Variants in SHANK1 observed in about 807,000 individuals in gnomAD.
SHANK1 encodes the protein SH3 and multiple ankyrin repeat domains protein 1.
SHANK1 carries 35 observed loss-of-function variants against 165.6 expected under a neutral mutation model. The ratio of observed to expected loss-of-function variants is 0.21; its 90% confidence interval spans 0.16 to 0.28. SHANK1 has a LOEUF of 0.28. Among genes scored for constraint, SHANK1 ranks in the 10% least tolerant of loss-of-function variants. The pLI, the probability that SHANK1 is intolerant of heterozygous loss-of-function variation, is 1.00. For synonymous variants in SHANK1, 1,428 were observed against 1,384.8 expected (o/e 1.03, Z -0.69); for missense variants, 2,681 against 3,036.4 (o/e 0.88, Z 2.75).
chr19:50,665,737 T>TAAAAAAAAAAAAAAAA lies in SHANK1; in HGVS notation c.5768+454_5768+455insTTTTTTTTTTTTTTTT, dbSNP rs71182756. On this transcript the variant is annotated intron_variant, in intron 23 of 23. Coordinates refer to ENST00000293441, the MANE Select transcript of SHANK1 (RefSeq NM_016148.5). ...GGGTGACAGAGTGAGACCCTGTTTCTAAAAAAAAAAAAAAAGCCAGGCATG... is the reference window on the plus strand; with the variant it reads ...GGGTGACAGAGTGAGACCCTGTTTCTAAAAAAAAAAAAAAAAAAAAAAAAAAAAAAAGCCAGGCATG... 2.3e-3 allele frequency among the ~76,000 whole-genome samples: 229 copies of TAAAAAAAAAAAAAAAA among 98,096 alleles called. 9 individuals carry two copies. Among genetic ancestry groups the TAAAAAAAAAAAAAAAA allele is most frequent in the Non-Finnish European group, 3.1e-3 (163 of 51,796 alleles). 64.4% of individuals were successfully genotyped at this position (98,096 alleles called of 152,430 possible). A position where few individuals can be genotyped will look rare whatever the true frequency, so the allele number is the denominator to read the frequency against.
chr19:50,719,150 G>GA (rs1201782947), intron 1 of SHANK1, among the ~76,000 whole-genome samples: 2 of 144,982 alleles, frequency 1.4e-5, no homozygotes, highest in Non-Finnish European at 3.0e-5. Context: ...GCGGGTTCGG[G>GA]ATAGGGGCTC....
chr19:50,716,496 A>G lies in SHANK1; in HGVS notation c.256-18T>C, dbSNP rs201890717. The G allele has an allele frequency of 1.1e-5, 17 of 1,612,970 alleles. No homozygotes were observed. The East Asian group carries it at 3.8e-4, about 36-fold the overall frequency. On this transcript the variant is annotated intron_variant, in intron 2 of 23. Transcript: ENST00000293441. The surrounding 1 kb of genome is among the most constrained non-coding windows in gnomAD (Gnocchi z 8.4). ...AGGCATTTCTGGTTGGGGAAGAGAT[A>G]GGGGCTAGGGTGGGCCAGGGGCCAG...
rs770801102 is a variant in SHANK1, at chr19:50,666,446, C to A, written c.5514G>T (p.Leu1838=). Residue 1838 remains leucine (L), a synonymous_variant, in exon 23 of 24, where the codon CTG becomes CTT. Coordinates refer to ENST00000293441, the MANE Select transcript of SHANK1 (RefSeq NM_016148.5). Reference sequence around the variant, plus strand: ...GTGGGCCCGGGCCCTCCTCCCAGGGCAGCAGCTTCCGGGGCAGAGAGGAGG... The same window carrying A: ...GTGGGCCCGGGCCCTCCTCCCAGGGAAGCAGCTTCCGGGGCAGAGAGGAGG... ...PTASSLPRKL[L]PWEEGPGPPP... The A allele has an allele frequency of 1.2e-6, 2 of 1,608,968 alleles. No individual in the cohort carries two copies. Among genetic ancestry groups the A allele is most frequent in the East Asian group, 4.5e-5 (2 of 44,790 alleles).
chr19:50,711,219 G>GGAT (rs1213098363), intron 8 of SHANK1, 152 bp downstream of exon 8: 157 of 496,602 alleles, frequency 3.2e-4, no homozygotes, highest in Middle Eastern at 5.1e-4. Context: ...GATGGATGGA[G>GGAT]GAATGAATGG....
In SHANK1 at chr19:50,713,660, T is replaced by G. The variant is rs2089035264; in HGVS notation, c.792+138A>C. The stretch of plus-strand genomic sequence containing the variant: ...GGTGACAATAGGGGCTGTGTCTCAG[T>G]CTATGGAAAGGGGCTTTGAACTGGG... On this transcript the variant is annotated intron_variant, in intron 6 of 23. Transcript: ENST00000293441. The surrounding 1 kb of genome is among the most constrained non-coding windows in gnomAD (Gnocchi z 6.2). 8.7e-7 allele frequency: 1 copy of G among 1,151,638 alleles called. No individual in the cohort carries two copies. The highest frequency in any genetic ancestry group is 2.1e-5 in the Admixed American group (1 of 48,226). 71.3% of individuals were successfully genotyped at this position (1,151,638 alleles called of 1,614,324 possible). A position where few individuals can be genotyped will look rare whatever the true frequency, so the allele number is the denominator to read the frequency against.
intron 23 of SHANK1, among the ~76,000 whole-genome samples, 168 bp downstream of exon 23, chr19:50,666,024 G>C (rs960845592): frequency 8.0e-6 from 1 of 124,480 alleles, no homozygotes; most frequent in Non-Finnish European, 1.7e-5. Context: ...GAAAAGAAAA[G>C]AAAAAAAAAA....
chr19:50,702,404 C>T lies in SHANK1; in HGVS notation c.1747+63G>A, dbSNP rs772739808. 2.1e-6 allele frequency: 3 copies of T among 1,456,334 alleles called. No homozygotes were observed. Among genetic ancestry groups the T allele is most frequent in the Non-Finnish European group, 2.8e-6 (3 of 1,074,872 alleles). The allele number at this position is 1,456,334 out of a possible 1,614,324, so 90.2% of individuals were successfully genotyped here. A position where few individuals can be genotyped will look rare whatever the true frequency, so the allele number is the denominator to read the frequency against. On this transcript the variant is annotated intron_variant, in intron 12 of 23. Coordinates refer to ENST00000293441, the MANE Select transcript of SHANK1 (RefSeq NM_016148.5). This position sits in a 1 kb window ranked among gnomAD's most constrained non-coding sequence, Gnocchi z 5.3. ...CCCGAGAATGGTCTGCTCTCTGCTC[C>T]ACATTTTCCCTGATCGCCCCCACAG... is the stretch of plus-strand genomic sequence containing the variant.
At chr19:50,665,334 TG>T (rs144646589) in intron 23 of SHANK1, among the ~76,000 whole-genome samples, 1 of 151,394 alleles carries the variant, frequency 6.6e-6, no homozygotes. Flanking sequence ...GAGACCGAGG[TG>T]GGATGAATCA....
intron 8 of SHANK1, among the ~76,000 whole-genome samples, chr19:50,706,753 T>A (rs554241348): frequency 8.5e-5 from 13 of 152,062 alleles, no homozygotes; most frequent in African/African-American, 2.9e-4. Context: ...GTCCTCTTCC[T>A]TGCTTTATTT....
chr19:50,716,804 C>T lies in SHANK1; in HGVS notation c.116G>A (p.Gly39Glu), dbSNP rs761557772. ...TGCCCCACTGCCCTGGCCCCGGGTC[C>T]CCCGGGGGCCTCGACCTGGCCCGTC... is the stretch of plus-strand genomic sequence containing the variant. The part of the protein sequence containing the change: ...SPDGPGRGPR[G>E]TRGQGSGAPG... The change falls in exon 2 of 24, where the codon GGG becomes GAG. Residue 39 changes from glycine (G) to glutamate (E), a missense_variant. Gly to Glu is a moderately conservative substitution (Grantham distance 98). Transcript: ENST00000293441. The surrounding 1 kb of genome is among the most constrained non-coding windows in gnomAD (Gnocchi z 8.4). 8 of 1,590,612 alleles carry T rather than the reference C, an allele frequency of 5.0e-6. No individual in the cohort carries two copies. Among genetic ancestry groups the T allele is most frequent in the South Asian group, 4.5e-5 (4 of 88,568 alleles).
intron 18 of SHANK1, 28 bp downstream of exon 18, chr19:50,687,895 G>A (rs890142287): frequency 6.2e-7 from 1 of 1,613,090 alleles, no homozygotes; most frequent in African/African-American, 1.3e-5. Context: ...TGGCAGTGGG[G>A]TGGCTGCGAG....
At position 50,690,175 on chromosome 19, in the gene SHANK1, A is replaced by G. The variant is rs559793451; in HGVS notation, c.1965-896T>C. Among the ~76,000 whole-genome samples, 1 of 152,254 alleles carries G rather than the reference A, an allele frequency of 6.6e-6. No individual in the cohort carries two copies. Among genetic ancestry groups the G allele is most frequent in the African/African-American group, 2.4e-5 (1 of 41,534 alleles). Reference sequence around the variant, plus strand: ...AATGGAGCTACTGCATGCAGTCAGCATATTCTATTATAGTAAAATGCAAAG... The same window carrying G: ...AATGGAGCTACTGCATGCAGTCAGCGTATTCTATTATAGTAAAATGCAAAG... On this transcript the variant is annotated intron_variant, in intron 15 of 23. Transcript: ENST00000293441. The surrounding 1 kb of genome is among the most constrained non-coding windows in gnomAD (Gnocchi z 4.9).
Position 50,686,639 on chromosome 19 carries a change from G to C in SHANK1, c.2458+105C>G. On this transcript the variant is annotated intron_variant, in intron 20 of 23. Coordinates refer to ENST00000293441, the MANE Select transcript of SHANK1 (RefSeq NM_016148.5). This position sits in a 1 kb window ranked among gnomAD's most constrained non-coding sequence, Gnocchi z 5.7. ...GGGAGGTGGGATCGCAGCCTCTCTG[G>C]GGCAGGAAGGTGAGGGGCGCCGTGG... is the stretch of plus-strand genomic sequence containing the variant. The C allele has an allele frequency of 9.1e-7, 1 of 1,100,046 alleles. No homozygotes were observed. Among genetic ancestry groups the C allele is most frequent in the Non-Finnish European group, 1.3e-6 (1 of 747,960 alleles). 68.1% of individuals were successfully genotyped at this position (1,100,046 alleles called of 1,614,324 possible). A position where few individuals can be genotyped will look rare whatever the true frequency, so the allele number is the denominator to read the frequency against.
intron 12 of SHANK1, among the ~76,000 whole-genome samples, chr19:50,700,625 A>T (rs969896248): frequency 2.0e-5 from 3 of 151,970 alleles, no homozygotes; most frequent in African/African-American, 4.8e-5. Context: ...GACATCGTGG[A>T]TGTGGGTGTG....
At chr19:50,704,090 T>C (rs751714762) in intron 10 of SHANK1, 30 bp downstream of exon 10, 16 of 1,610,368 alleles carry the variant, frequency 9.9e-6, no homozygotes, top group Non-Finnish European at 1.4e-5. Context: ...CCCCAGGTTC[T>C]CTGTGCAGTC....
intron 4 of SHANK1, 151 bp downstream of exon 4, chr19:50,715,508 A>G (rs1038976408): frequency 4.2e-5 from 29 of 692,324 alleles, no homozygotes; most frequent in Non-Finnish European, 5.3e-6. Context: ...GTGGTACAGC[A>G]TCCCAAGTTA....
At position 50,697,165 on chromosome 19, in the gene SHANK1, T is replaced by A; in HGVS notation, c.1938-43A>T. ...CCAGCAGCCAGGGAGGGGAAAGGTGTCAGTGCACCCATCTCCTCACCCCAA... is the reference window on the plus strand; with the variant it reads ...CCAGCAGCCAGGGAGGGGAAAGGTGACAGTGCACCCATCTCCTCACCCCAA... On this transcript the variant is annotated intron_variant, in intron 14 of 23. Transcript: ENST00000293441. The surrounding 1 kb of genome is among the most constrained non-coding windows in gnomAD (Gnocchi z 4.7). The A allele has an allele frequency of 1.2e-6, 2 of 1,613,660 alleles. No individual in the cohort carries two copies. The highest frequency in any genetic ancestry group is 1.7e-6 in the Non-Finnish European group (2 of 1,179,876).
Position 50,688,707 on chromosome 19 carries a change from G to A in SHANK1, c.2172+137C>T. On this transcript the variant is annotated intron_variant, in intron 17 of 23. Transcript: ENST00000293441. The surrounding 1 kb of genome is among the most constrained non-coding windows in gnomAD (Gnocchi z 6.7). The stretch of plus-strand genomic sequence containing the variant: ...GAATCGCTGGGGAAAGCAGAGGCTG[G>A]CTGGGGGGTGGGCAGGGGGCTGGGA... 1 of 760,088 alleles carries A rather than the reference G, an allele frequency of 1.3e-6. No homozygotes were observed. 47.1% of individuals were successfully genotyped at this position (760,088 alleles called of 1,614,324 possible).
chr19:50,694,019 C>CCACACACA lies in SHANK1; in HGVS notation c.1964+3069_1964+3076dup, dbSNP rs398034977. On this transcript the variant is annotated intron_variant, in intron 15 of 23. Transcript: ENST00000293441. ...TGGGACAGACCCACTCCAGCACACA[C>CCACACACA]CACACACACACACACACACACACAC... Among the ~76,000 whole-genome samples the CCACACACA allele has an allele frequency of 2.3e-3, 321 of 138,678 alleles. 2 individuals carry two copies. Among genetic ancestry groups the CCACACACA allele is most frequent in the South Asian group, 0.012 (47 of 4,080 alleles). The allele number at this position is 138,678 out of a possible 152,430, so 91.0% of individuals were successfully genotyped here. A position where few individuals can be genotyped will look rare whatever the true frequency, so the allele number is the denominator to read the frequency against.
Sources: allele counts gnomAD v4.1 joint callset (sites outside exome capture counted in the v4.1 genomes callset), GRCh38; gene constraint gnomAD v4.1.1; non-coding constraint Gnocchi (gnomAD v3.1); transcripts MANE v1.5; gene names NCBI Gene and HGNC (gene_info 2026-07-23, HGNC 2026-07-21).